Variants in NAALADL2 observed in about 807,000 individuals in gnomAD.
NAALADL2 encodes the protein N-acetylated alpha-linked acidic dipeptidase like 2.
NAALADL2 carries 76 observed loss-of-function variants against 87.2 expected under a neutral mutation model. The ratio of observed to expected loss-of-function variants is 0.87; its 90% CI spans 0.72 to 1.05. NAALADL2 has a LOEUF of 1.05. Ranked by LOEUF, NAALADL2 falls within the 50% of genes least tolerant of loss-of-function variation. The pLI is 0.00. For synonymous variants in NAALADL2, 354 were observed against 331.0 expected (o/e 1.07, Z -0.75); for missense variants, 1,089 against 945.8 (o/e 1.15, Z -1.99).
At chr3:175,624,124 G>A (rs1248678471) in intron 10 of NAALADL2, among the ~76,000 whole-genome samples, 2 of 152,028 alleles carry the variant, frequency 1.3e-5, no homozygotes, top group East Asian at 1.9e-4. Context: ...GGGAGAGGAT[G>A]TAAAAAGAGA....
intron 11 of NAALADL2, among the ~76,000 whole-genome samples, chr3:175,708,291 A>G (rs1740014788): frequency 6.6e-6 from 1 of 152,062 alleles, no homozygotes; most frequent in South Asian, 2.1e-4. Context: ...GCATTTTGAA[A>G]AGGTCATTCT....
intron 2 of NAALADL2, among the ~76,000 whole-genome samples, chr3:175,130,913 T>C (rs1428905750): frequency 6.6e-6 from 1 of 152,176 alleles, no homozygotes; most frequent in Non-Finnish European, 1.5e-5. Context: ...CCATACAAAT[T>C]TAGGATTATT....
At chr3:175,568,400 T>C (rs557530519) in intron 9 of NAALADL2, among the ~76,000 whole-genome samples, 7 of 152,202 alleles carry the variant, frequency 4.6e-5, no homozygotes, top group African/African-American at 1.7e-4. Flanking sequence ...TACAACTAGA[T>C]CTGGTGATGC....
chr3:174,664,037 C>A (rs1019870258), intron 2 of NAALADL2, among the ~76,000 whole-genome samples: 1 of 152,092 alleles, frequency 6.6e-6, no homozygotes, highest in Admixed American at 6.6e-5. Flanking sequence ...GACCCACCAG[C>A]CTCGGCCTCC....
At chr3:174,626,258 T>C (rs1721567391) in intron 2 of NAALADL2, among the ~76,000 whole-genome samples, 1 of 152,068 alleles carries the variant, frequency 6.6e-6, no homozygotes, top group Admixed American at 6.5e-5. Context: ...TCATAAAAAA[T>C]TCTACCAATT....
At chr3:174,999,400 T>A (rs1747939357) in intron 1 of NAALADL2, among the ~76,000 whole-genome samples, 1 of 152,302 alleles carries the variant, frequency 6.6e-6, no homozygotes, top group African/African-American at 2.4e-5. Flanking sequence ...ATGTACATGC[T>A]TTTCTTAAGA....
intron 9 of NAALADL2, among the ~76,000 whole-genome samples, chr3:175,537,729 G>A (rs988430116): frequency 1.3e-5 from 2 of 152,160 alleles, no homozygotes; most frequent in African/African-American, 2.4e-5. Flanking sequence ...ATATGACACA[G>A]CATAAATGAT....
chr3:175,458,874 C>T (rs1220322298), intron 6 of NAALADL2, among the ~76,000 whole-genome samples: 1 of 152,118 alleles, frequency 6.6e-6, no homozygotes, highest in South Asian at 2.1e-4. Context: ...CAGGCTCTAA[C>T]ACTATATGCT....
At chr3:174,740,005 T>C (rs1733613931) in intron 3 of NAALADL2, among the ~76,000 whole-genome samples, 1 of 152,056 alleles carries the variant, frequency 6.6e-6, no homozygotes, top group African/African-American at 2.4e-5. Flanking sequence ...TCTTATTACC[T>C]TGTTTTATAA....
In NAALADL2 at chr3:175,598,637, G is replaced by A. The variant is rs964983011; in HGVS notation, c.1800+22450G>A. Among the ~76,000 whole-genome samples the A allele has an allele frequency of 4.0e-4, 61 of 152,016 alleles. 2 individuals are homozygous for A. The highest frequency in any genetic ancestry group is 3.5e-3 in the Admixed American group (54 of 15,264). On this transcript the variant is annotated intron_variant, in intron 10 of 13. Transcript: ENST00000454872. ...TGACTCAAAGTATTGAAGTTTCCCC[G>A]CTATCTCATAGGTCTTCAAATGTTA...
At chr3:174,614,060 G>A (rs1720206486) in intron 2 of NAALADL2, among the ~76,000 whole-genome samples, 1 of 152,118 alleles carries the variant, frequency 6.6e-6, no homozygotes. Flanking sequence ...ATCTAAAATA[G>A]GAGACAAAGT....
intron 1 of NAALADL2, among the ~76,000 whole-genome samples, chr3:175,026,162 T>C (rs1057369312): frequency 1.3e-4 from 20 of 152,098 alleles, no homozygotes; most frequent in African/African-American, 4.8e-4. Flanking sequence ...AAGAAAATCC[T>C]TCTGTACTAA....
chr3:175,191,252 AT>A (rs1039776250), intron 2 of NAALADL2, among the ~76,000 whole-genome samples: 1 of 152,114 alleles, frequency 6.6e-6, no homozygotes, highest in African/African-American at 2.4e-5. Context: ...TATGTAAATT[AT>A]TTTTTTAAAA....
intron 1 of NAALADL2, among the ~76,000 whole-genome samples, chr3:174,971,143 A>G (rs149442803): frequency 1.3e-3 from 193 of 152,244 alleles, no homozygotes; most frequent in African/African-American, 4.5e-3. Flanking sequence ...AGCAGGGGGA[A>G]AGACTGGCCC....
intron 3 of NAALADL2, among the ~76,000 whole-genome samples, chr3:174,753,614 G>A (rs1711561086): frequency 6.6e-6 from 1 of 152,118 alleles, no homozygotes; most frequent in African/African-American, 2.4e-5. Flanking sequence ...TCCACAGTGG[G>A]GAGGGGATGG....
intron 1 of NAALADL2, among the ~76,000 whole-genome samples, chr3:174,463,308 C>G (rs1383494948): frequency 1.3e-5 from 2 of 151,934 alleles, no homozygotes; most frequent in Admixed American, 1.3e-4. Context: ...TTGTTGGAAA[C>G]AGTAATAATG....
intron 2 of NAALADL2, among the ~76,000 whole-genome samples, chr3:174,670,437 C>T (rs1726424204): frequency 6.6e-6 from 1 of 151,920 alleles, no homozygotes; most frequent in African/African-American, 2.4e-5. Flanking sequence ...AAATTTGTGT[C>T]TTTTCCTATT....
intron 5 of NAALADL2, among the ~76,000 whole-genome samples, chr3:175,401,199 T>TAAACAGCCAC (rs1770517607): frequency 6.6e-6 from 1 of 152,098 alleles, no homozygotes; most frequent in Non-Finnish European, 1.5e-5. Flanking sequence ...TTTACAGCCA[T>TAAACAGCCAC]AAACAGCCAC....
At chr3:175,653,747 C>G (rs891409492) in intron 11 of NAALADL2, among the ~76,000 whole-genome samples, 11 of 152,124 alleles carry the variant, frequency 7.2e-5, no homozygotes, top group African/African-American at 2.7e-4. Flanking sequence ...AAGGTGTAAT[C>G]TCACAAGACT....
Sources: allele counts gnomAD v4.1 joint callset (sites outside exome capture counted in the v4.1 genomes callset), GRCh38; gene constraint gnomAD v4.1.1; transcripts MANE v1.5; gene names NCBI Gene and HGNC (gene_info 2026-07-23, HGNC 2026-07-21).